Variants in ZPR1 observed in about 807,000 individuals in gnomAD.
The protein encoded by ZPR1 is ZPR1 zinc finger.
Under a neutral mutation model 59.6 loss-of-function variants are expected in ZPR1, and 37 were observed. The ratio of observed to expected loss-of-function variants is 0.62; its 90% CI spans 0.48 to 0.82. ZPR1 has a LOEUF of 0.82. Among genes scored for constraint, ZPR1 ranks in the 40% least tolerant of loss-of-function variants. The pLI is 0.00. For missense variants in ZPR1, 527 were observed against 579.9 expected, an observed-to-expected ratio of 0.91 and a Z score of 0.94; for synonymous variants, 191 against 215.2, an observed-to-expected ratio of 0.89 and a Z score of 0.99.
At chr11:116,785,174 G>T in intron 6 of ZPR1, 28 bp from the exon 7 acceptor site, 1 of 1,613,370 alleles carries the variant, frequency 6.2e-7, no homozygotes, top group Non-Finnish European at 8.5e-7. Context: ...CAGGTCGCAA[G>T]TTGGCAGGTA....
intron 1 of ZPR1, 65 bp downstream of exon 1, chr11:116,787,755 G>A: frequency 6.6e-7 from 1 of 1,524,422 alleles, no homozygotes; most frequent in Admixed American, 2.0e-5. Context: ...GGCTGGGTCT[G>A]ACCCCCGGCT....
chr11:116,786,627 GC>G, intron 3 of ZPR1, 46 bp from the exon 4 acceptor site: 1 of 1,539,542 alleles, frequency 6.5e-7, no homozygotes, highest in Non-Finnish European at 9.0e-7. Flanking sequence ...CCTCAGCTCT[GC>G]TATCAAGTCC....
chr11:116,779,209 T>C, intron 13 of ZPR1, 150 bp from the exon 14 acceptor site: 1 of 1,113,732 alleles, frequency 9.0e-7, no homozygotes, highest in East Asian at 2.5e-5. Context: ...ACTGAACTAG[T>C]GGGTAGCAAC....
intron 9 of ZPR1, 142 bp from the exon 10 acceptor site, chr11:116,783,761 G>A (rs1195499327): frequency 1.9e-5 from 12 of 630,688 alleles, no homozygotes; most frequent in Non-Finnish European, 1.9e-5. Flanking sequence ...AACAGCAGTC[G>A]CCCAAACCAA....
Position 116,778,992 on chromosome 11 carries a change from T to G in ZPR1, c.1313A>C (p.Asn438Thr). ...CATGTCATTGAGCCCTAGCTCCTCA[T>G]TTTGGTCAAAGGTGCGCTTGTAACG... ...VERYKRTFDQ[N>T]EELGLNDMKT... Residue 438 changes from asparagine (N) to threonine (T), a missense_variant, in exon 14 of 14, where the codon AAT (asparagine) becomes ACT (threonine). Asn to Thr is a moderately conservative substitution (Grantham distance 65). Transcript: ENST00000227322. 6.2e-7 allele frequency: 1 copy of G among 1,614,188 alleles called. No individual in the cohort carries two copies. The highest frequency in any genetic ancestry group is 2.2e-5 in the East Asian group (1 of 44,882).
intron 9 of ZPR1, 70 bp from the exon 10 acceptor site, chr11:116,783,689 G>A (rs532483504): frequency 1.8e-5 from 23 of 1,284,214 alleles, no homozygotes; most frequent in Non-Finnish European, 2.6e-5. Flanking sequence ...GAGACCTGGA[G>A]TGTAGGCTTG....
At position 116,784,893 on chromosome 11, in the gene ZPR1, T is replaced by C. The variant is rs1485058800; in HGVS notation, c.782A>G (p.Glu261Gly). The C allele has an allele frequency of 6.2e-7, 1 of 1,614,066 alleles. No homozygotes were observed. Among genetic ancestry groups the C allele is most frequent in the Non-Finnish European group, 8.5e-7 (1 of 1,180,036 alleles). ...GTTGGTCTGAGCGGGGGCATTGCAT[T>C]CTGGGCAGTTTGTGCTGAACTGGAG... Reference protein sequence around the residue: ...EVLQFSTNCPECNAPAQTNMK... With the variant: ...EVLQFSTNCPGCNAPAQTNMK... The change falls in exon 8 of 14, where the codon GAA becomes GGA. Residue 261 changes from glutamate to glycine, a missense_variant. Glu to Gly is a moderately conservative substitution (Grantham distance 98, BLOSUM62 -2). Transcript: ENST00000227322.
intron 6 of ZPR1, 78 bp from the exon 7 acceptor site, chr11:116,785,224 A>G: frequency 3.9e-6 from 6 of 1,522,642 alleles, no homozygotes; most frequent in Non-Finnish European, 5.4e-6. Flanking sequence ...GAGTGGGAGA[A>G]ATGCTCAGGT....
chr11:116,774,893 C>G lies in ZPR1; in HGVS notation c.*4032G>C, dbSNP rs1940701731. On this transcript the variant is annotated 3_prime_UTR_variant, in exon 14 of 14. Transcript: ENST00000227322. ...GATAGCCCTCTGAACTTCCACCCACCCATCTTCTGCCCATTTGTTTTCTTT... is the reference window on the plus strand; with the variant it reads ...GATAGCCCTCTGAACTTCCACCCACGCATCTTCTGCCCATTTGTTTTCTTT... 6.6e-6 allele frequency: 1 copy of G among 152,542 alleles called. No homozygotes were observed. The highest frequency in any genetic ancestry group is 1.5e-5 in the Non-Finnish European group (1 of 68,302). 9.4% of individuals were successfully genotyped at this position (152,542 alleles called of 1,614,324 possible).
In ZPR1 at chr11:116,776,711, A is replaced by G. The variant is rs1312654677; in HGVS notation, c.*2214T>C. 6.6e-6 allele frequency: 1 copy of G among 152,228 alleles called. No individual in the cohort carries two copies. The highest frequency in any genetic ancestry group is 1.5e-5 in the Non-Finnish European group (1 of 68,046). 9.4% of individuals were successfully genotyped at this position (152,228 alleles called of 1,614,324 possible). On this transcript the variant is annotated 3_prime_UTR_variant, in exon 14 of 14. Coordinates refer to ENST00000227322, the MANE Select transcript of ZPR1 (RefSeq NM_003904.5). ...ATTGCCTCACACCAACCAAACTCAC[A>G]AGAGATTCAGTAATAAGCCAGAGTG...
chr11:116,787,817 C>T lies in ZPR1; in HGVS notation c.171+3G>A. The T allele has an allele frequency of 6.4e-7, 1 of 1,554,522 alleles. No individual in the cohort carries two copies. The highest frequency in any genetic ancestry group is 8.7e-7 in the Non-Finnish European group (1 of 1,150,524). ...GCCGCTCGCGGCCGCGCCCCCGCCT[C>T]ACATTGCAGTAACAGTTCATGCATA... On this transcript the variant is annotated splice_donor_region_variant and intron_variant, in intron 1 of 13. Coordinates refer to ENST00000227322, the MANE Select transcript of ZPR1 (RefSeq NM_003904.5).
At chr11:116,786,870 T>C (rs1184958746) in intron 3 of ZPR1, 99 bp downstream of exon 3, 8 of 967,440 alleles carry the variant, frequency 8.3e-6, no homozygotes, top group South Asian at 2.7e-5. Flanking sequence ...GTAGAACCCA[T>C]ACACAAACCA....
chr11:116,784,719 G>T, intron 8 of ZPR1, 136 bp downstream of exon 8: 1 of 999,294 alleles, frequency 1.0e-6, no homozygotes, highest in Non-Finnish European at 1.5e-6. Context: ...AAGGTACACA[G>T]TCTAATCAAA....
chr11:116,775,630 A>AAAAAAAAAAT lies in ZPR1; in HGVS notation c.*3294_*3295insATTTTTTTTT, dbSNP rs1940713499. 1 of 29,872 alleles carries AAAAAAAAAAT rather than the reference A, an allele frequency of 3.3e-5. No individual in the cohort carries two copies. Among genetic ancestry groups the AAAAAAAAAAT allele is most frequent in the Non-Finnish European group, 6.7e-5 (1 of 15,032 alleles). 1.9% of individuals were successfully genotyped at this position (29,872 alleles called of 1,614,324 possible). A position where few individuals can be genotyped will look rare whatever the true frequency, so the allele number is the denominator to read the frequency against. On this transcript the variant is annotated 3_prime_UTR_variant, in exon 14 of 14. Transcript: ENST00000227322. ...GCAACAGAGTGAGACTCCGTCTCAAAAAAAAAAAAAAAAAAAAAAAAAAAA... is the reference window on the plus strand; with the variant it reads ...GCAACAGAGTGAGACTCCGTCTCAAAAAAAAAAAATAAAAAAAAAAAAAAAAAAAAAAAAA...
rs1233566924 is a variant in ZPR1, at chr11:116,776,532, T to C, written c.*2393A>G. 6.6e-6 allele frequency: 1 copy of C among 152,212 alleles called. No individual in the cohort carries two copies. The highest frequency in any genetic ancestry group is 1.5e-5 in the Non-Finnish European group (1 of 68,046). The allele number at this position is 152,212 out of a possible 1,614,324, so 9.4% of individuals were successfully genotyped here. A position where few individuals can be genotyped will look rare whatever the true frequency, so the allele number is the denominator to read the frequency against. On this transcript the variant is annotated 3_prime_UTR_variant, in exon 14 of 14. Coordinates refer to ENST00000227322, the MANE Select transcript of ZPR1 (RefSeq NM_003904.5). ...ATGAAATGAGAAAGGAGCTGAAAGA[T>C]AATTCAAGAGAAGGGTATGAAACTG...
In ZPR1 at chr11:116,783,513, C is replaced by T. The variant is rs1438020695; in HGVS notation, c.981+17G>A. 4 of 1,605,152 alleles carry T rather than the reference C, an allele frequency of 2.5e-6. No individual in the cohort carries two copies. Among genetic ancestry groups the T allele is most frequent in the Middle Eastern group, 1.7e-4 (1 of 6,040 alleles). On this transcript the variant is annotated intron_variant, in intron 10 of 13. Transcript: ENST00000227322. Reference sequence around the variant, plus strand: ...AACTTATGAGGACAACAGTGACTTTCCCAAGCAGACTGTTACCTTGAGGAG... The same window carrying T: ...AACTTATGAGGACAACAGTGACTTTTCCAAGCAGACTGTTACCTTGAGGAG...
At chr11:116,786,899 G>A in intron 3 of ZPR1, 70 bp downstream of exon 3, 3 of 1,252,048 alleles carry the variant, frequency 2.4e-6, no homozygotes, top group Admixed American at 3.4e-5. Flanking sequence ...GGCACCAGGG[G>A]GTTTTGCAAG....
chr11:116,785,166 G>C lies in ZPR1; in HGVS notation c.706-20C>G, dbSNP rs767671010. 6.2e-7 allele frequency: 1 copy of C among 1,613,656 alleles called. No homozygotes were observed. Among genetic ancestry groups the C allele is most frequent in the Non-Finnish European group, 8.5e-7 (1 of 1,179,976 alleles). On this transcript the variant is annotated intron_variant, in intron 6 of 13. Coordinates refer to ENST00000227322, the MANE Select transcript of ZPR1 (RefSeq NM_003904.5). ...TTCTTCCTAAAATAGCAAAGATGCAGGTCGCAAGTTGGCAGGTATACCTCA... is the reference window on the plus strand; with the variant it reads ...TTCTTCCTAAAATAGCAAAGATGCACGTCGCAAGTTGGCAGGTATACCTCA...
rs36148817 is a variant in ZPR1, at chr11:116,775,627, C to CAAAAAAAAAAAAAAAAAAA, written c.*3279_*3297dup. 1.4e-5 allele frequency: 1 copy of CAAAAAAAAAAAAAAAAAAA among 72,916 alleles called. No homozygotes were observed. The highest frequency in any genetic ancestry group is 2.9e-5 in the Non-Finnish European group (1 of 34,868). 4.5% of individuals were successfully genotyped at this position (72,916 alleles called of 1,614,324 possible). ...TGGGCAACAGAGTGAGACTCCGTCT[C>CAAAAAAAAAAAAAAAAAAA]AAAAAAAAAAAAAAAAAAAAAAAAA... On this transcript the variant is annotated 3_prime_UTR_variant, in exon 14 of 14. Transcript: ENST00000227322.
Sources: allele counts gnomAD v4.1 joint callset, GRCh38; gene constraint gnomAD v4.1.1; transcripts MANE v1.5; gene names NCBI Gene and HGNC (gene_info 2026-07-23, HGNC 2026-07-21).